ATG5: variants seen among roughly 807,000 people sequenced by gnomAD.
The protein encoded by ATG5 is autophagy related 5, also known as autophagy protein 5.
Under a neutral mutation model 36.5 loss-of-function variants are expected in ATG5, and 14 were observed. The observed-to-expected ratio is 0.38, with a 90% CI of 0.25 to 0.60. The LOEUF is 0.60. Among genes scored for constraint, ATG5 ranks in the 20% least tolerant of loss-of-function variants. ATG5 has a pLI of 0.60. For missense variants in ATG5, 195 were observed against 326.7 expected (o/e 0.60, Z 3.11); for synonymous variants, 95 against 101.5 (o/e 0.94, Z 0.38).
intron 6 of ATG5, chr6:106,217,718 T>C (rs944432597): frequency 2.6e-5 from 4 of 152,240 alleles, no homozygotes; most frequent in Non-Finnish European, 2.9e-5. Flanking sequence ...TTTATAGTTC[T>C]ATTTCACTAT....
chr6:106,217,671 C>A (rs1182979035), intron 6 of ATG5: 1 of 152,150 alleles, frequency 6.6e-6, no homozygotes, highest in Non-Finnish European at 1.5e-5. Flanking sequence ...TAGAATCTGG[C>A]ATTACAAAAG....
At chr6:106,254,458 T>G (rs934639647) in intron 5 of ATG5, among the ~76,000 whole-genome samples, 2 of 152,166 alleles carry the variant, frequency 1.3e-5, no homozygotes, top group Non-Finnish European at 2.9e-5. Context: ...ACATAGTACA[T>G]ACTCAACGAA....
At chr6:106,230,530 TA>T (rs1443705882) in intron 6 of ATG5, among the ~76,000 whole-genome samples, 1 of 152,134 alleles carries the variant, frequency 6.6e-6, no homozygotes, top group Non-Finnish European at 1.5e-5. Flanking sequence ...ACTAATCCGA[TA>T]AGCAGAGGTC....
chr6:106,305,352 T>C (rs556084663), intron 3 of ATG5, among the ~76,000 whole-genome samples: 21 of 152,198 alleles, frequency 1.4e-4, no homozygotes, highest in Non-Finnish European at 2.6e-4. Flanking sequence ...GTACTCTTCA[T>C]CTATGTCCTA....
intron 7 of ATG5, among the ~76,000 whole-genome samples, chr6:106,196,993 A>G (rs1010112366): frequency 1.3e-5 from 2 of 152,196 alleles, no homozygotes; most frequent in South Asian, 4.1e-4. Flanking sequence ...CAAATGTATC[A>G]AGGGAGACCC....
In ATG5 at chr6:106,228,554, G is replaced by A. The variant is rs181458752; in HGVS notation, c.573+19596C>T. Among the ~76,000 whole-genome samples the A allele has an allele frequency of 1.1e-3, 174 of 152,176 alleles. 1 individual carries two copies. Among genetic ancestry groups the A allele is most frequent in the Admixed American group, 2.6e-3 (40 of 15,284 alleles). On this transcript the variant is annotated intron_variant, in intron 6 of 7. Transcript: ENST00000369076. ...GGAATCCATGAGGCCAAGAACCCCA[G>A]GTCAGAGAACACGAGGCTTGCCATC... is the stretch of plus-strand genomic sequence containing the variant.
chr6:106,318,526 A>T (rs1267144483), intron 1 of ATG5, among the ~76,000 whole-genome samples: 1 of 152,234 alleles, frequency 6.6e-6, no homozygotes, highest in East Asian at 1.9e-4. Context: ...AAAGTTTACC[A>T]AAGTTCTACA....
chr6:106,304,070 C>T (rs1206585148), intron 3 of ATG5: 1 of 149,118 alleles, frequency 6.7e-6, no homozygotes, highest in African/African-American at 2.4e-5. Flanking sequence ...ACATAGAAAA[C>T]CCCAAAGGAT....
chr6:106,243,904 CTTTTTTTTT>C (rs35701133), intron 6 of ATG5, among the ~76,000 whole-genome samples: 18 of 54,910 alleles, frequency 3.3e-4, no homozygotes, highest in African/African-American at 1.2e-3. Context: ...AGGAACCATC[CTTTTTTTTT>C]TTTTTTTTTT....
At chr6:106,244,852 A>G (rs1778267890) in intron 6 of ATG5, among the ~76,000 whole-genome samples, 1 of 152,230 alleles carries the variant, frequency 6.6e-6, no homozygotes. Context: ...GCAGGATAAC[A>G]TTTATCAATC....
At chr6:106,299,871 C>G (rs987902820) in intron 3 of ATG5, among the ~76,000 whole-genome samples, 10 of 152,188 alleles carry the variant, frequency 6.6e-5, no homozygotes, top group African/African-American at 9.6e-5. Flanking sequence ...TAAATGCCTC[C>G]TATTCGGAAA....
Position 106,221,685 on chromosome 6 carries a change from C to CAA in ATG5, c.574-19598_574-19597dup, listed in dbSNP as rs11442463. ...TGGGTGACAGAGTGAGACCCTGTCT[C>CAA]AAAAAAAAAAAAAAAAAGAAAGAAA... On this transcript the variant is annotated intron_variant, in intron 6 of 7. Transcript: ENST00000369076. Among the ~76,000 whole-genome samples the CAA allele has an allele frequency of 5.1e-3, 361 of 70,894 alleles. 1 individual carries two copies. The highest frequency in any genetic ancestry group is 0.012 in the African/African-American group (248 of 19,928). 46.5% of individuals were successfully genotyped at this position (70,894 alleles called of 152,430 possible). A position where few individuals can be genotyped will look rare whatever the true frequency, so the allele number is the denominator to read the frequency against.
intron 1 of ATG5, among the ~76,000 whole-genome samples, chr6:106,321,508 G>A (rs1222721011): frequency 2.6e-5 from 4 of 152,130 alleles, no homozygotes; most frequent in East Asian, 1.9e-4. Flanking sequence ...ACAGGCGCCC[G>A]CCACCGCGCC....
At chr6:106,261,561 C>CA (rs1255323545) in intron 5 of ATG5, among the ~76,000 whole-genome samples, 1 of 152,182 alleles carries the variant, frequency 6.6e-6, no homozygotes, top group African/African-American at 2.4e-5. Context: ...AGTGATAATT[C>CA]ACGTGAAGTA....
chr6:106,285,341 T>C (rs746076268), intron 4 of ATG5, among the ~76,000 whole-genome samples: 82 of 152,322 alleles, frequency 5.4e-4, no homozygotes, highest in Non-Finnish European at 8.8e-4. Flanking sequence ...CTTAGGTCAG[T>C]TTCTATTGAG....
At chr6:106,206,824 G>A (rs1326726282) in intron 6 of ATG5, among the ~76,000 whole-genome samples, 1 of 152,154 alleles carries the variant, frequency 6.6e-6, no homozygotes, top group Non-Finnish European at 1.5e-5. Flanking sequence ...CTTTTCAACA[G>A]CTCTCATTAG....
At chr6:106,302,642 G>A (rs1245808629) in intron 3 of ATG5, among the ~76,000 whole-genome samples, 2 of 152,176 alleles carry the variant, frequency 1.3e-5, no homozygotes, top group East Asian at 3.9e-4. Flanking sequence ...AGGGAATCAA[G>A]AGTGGAGACG....
At chr6:106,284,082 T>C (rs1467035359) in intron 4 of ATG5, among the ~76,000 whole-genome samples, 1 of 152,206 alleles carries the variant, frequency 6.6e-6, no homozygotes, top group East Asian at 1.9e-4. Flanking sequence ...CTGATGGACA[T>C]TGGGTTATTT....
At chr6:106,251,642 AGAGAGGGAGGGAGGGAGGAAGG>A (rs1778581061) in intron 5 of ATG5, among the ~76,000 whole-genome samples, 4 of 260 alleles carry the variant, frequency 0.015, no homozygotes, top group African/African-American at 0.052. Context: ...TCAGAGAGAG[AGAGAGGGAGGGAGGGAGGAAGG>A]GAGGGGGAGG....
Sources: allele counts gnomAD v4.1 joint callset (sites outside exome capture counted in the v4.1 genomes callset), GRCh38; gene constraint gnomAD v4.1.1; transcripts MANE v1.5; gene names NCBI Gene and HGNC (gene_info 2026-07-23, HGNC 2026-07-21).